Variants in PLEKHH1 observed in about 807,000 individuals in gnomAD.
PLEKHH1 encodes pleckstrin homology domain-containing family H member 1.
In PLEKHH1, 104 loss-of-function variants were observed where a neutral mutation model predicts 160.0. The ratio of observed to expected loss-of-function variants is 0.65; its 90% CI spans 0.55 to 0.76. PLEKHH1 has a LOEUF of 0.76. Among genes scored for constraint, PLEKHH1 ranks in the 30% least tolerant of loss-of-function variants. The pLI, the probability that PLEKHH1 is intolerant of heterozygous loss-of-function variation, is 0.00. For missense variants in PLEKHH1, 1,427 were observed against 1,724.1 expected, an observed-to-expected ratio of 0.83 and a Z score of 3.05; for synonymous variants, 619 against 678.4, an observed-to-expected ratio of 0.91 and a Z score of 1.36.
chr14:67,555,814 T>C lies in PLEKHH1; in HGVS notation c.127-11T>C. 1 of 1,613,046 alleles carries C rather than the reference T, an allele frequency of 6.2e-7. No individual in the cohort carries two copies. ...GGCACCTACATCTCCCCTTTCTCTC[T>C]GGCCAAGCAGATGCAGGAGCTGGAG... On this transcript the variant is annotated splice_polypyrimidine_tract_variant and intron_variant, in intron 2 of 28. Transcript: ENST00000329153.
In PLEKHH1 at chr14:67,576,574, A is replaced by C. The variant is rs935488347; in HGVS notation, c.2461+71A>C. 9 of 792,350 alleles carry C rather than the reference A, an allele frequency of 1.1e-5. No homozygotes were observed. Among genetic ancestry groups the C allele is most frequent in the Middle Eastern group, 2.3e-4 (1 of 4,310 alleles). The allele number at this position is 792,350 out of a possible 1,614,324, so 49.1% of individuals were successfully genotyped here. On this transcript the variant is annotated intron_variant, in intron 17 of 28. Transcript: ENST00000329153. The surrounding 1 kb of genome is among the most constrained non-coding windows in gnomAD (Gnocchi z 4.0). Reference sequence around the variant, plus strand: ...TTGGTGACTATTGGTCAAGATCCCAAAGAAAGCAGTGTTGTACCCTGAAGC... The same window carrying C: ...TTGGTGACTATTGGTCAAGATCCCACAGAAAGCAGTGTTGTACCCTGAAGC...
At chr14:67,546,867 GAT>G (rs570707756) in intron 2 of PLEKHH1, among the ~76,000 whole-genome samples, 1 of 151,894 alleles carries the variant, frequency 6.6e-6, no homozygotes, top group African/African-American at 2.4e-5. Flanking sequence ...TGTCTCAAAG[GAT>G]ATATATATAT....
In PLEKHH1 at chr14:67,574,512, C is replaced by A; in HGVS notation, c.2088+109C>A. The A allele has an allele frequency of 1.2e-6, 1 of 860,136 alleles. No homozygotes were observed. Among genetic ancestry groups the A allele is most frequent in the Non-Finnish European group, 1.7e-6 (1 of 603,592 alleles). 53.3% of individuals were successfully genotyped at this position (860,136 alleles called of 1,614,324 possible). A position where few individuals can be genotyped will look rare whatever the true frequency, so the allele number is the denominator to read the frequency against. On this transcript the variant is annotated intron_variant, in intron 14 of 28. Transcript: ENST00000329153. This position sits in a 1 kb window ranked among gnomAD's most constrained non-coding sequence, Gnocchi z 4.2. ...TCCCCCTTATACGGGGCTCCTTTCT[C>A]TGGGAGCCTCCTCACAGTGACTCGC...
At chr14:67,580,426 A>G (rs77432698) in intron 22 of PLEKHH1, 6,022 of 168,162 alleles carry the variant, frequency 0.036, 235 homozygotes, top group East Asian at 0.12. Context: ...AAGTGTTTGT[A>G]AGAATGTGCT....
chr14:67,585,989 GT>G lies in PLEKHH1; in HGVS notation c.3828del (p.Phe1276LeufsTer11). ...ITYPYSSVTT[F>X]GGCRDDFMLV... ...CTTACCCCTACTCTTCAGTGACAAC[GT>G]TTGGTGGCTGCAGGGATGACTTCAT... On this transcript the variant is annotated frameshift_variant, in exon 28 of 29. Coordinates refer to ENST00000329153, the MANE Select transcript of PLEKHH1 (RefSeq NM_020715.3). LOFTEE classifies it high-confidence loss of function. The G allele has an allele frequency of 6.2e-7, 1 of 1,613,894 alleles. No homozygotes were observed. The highest frequency in any genetic ancestry group is 8.5e-7 in the Non-Finnish European group (1 of 1,179,852).
At position 67,555,875 on chromosome 14, in the gene PLEKHH1, C is replaced by T. The variant is rs116093796; in HGVS notation, c.177C>T (p.Asn59=). 2.6e-3 allele frequency: 4,134 copies of T among 1,613,500 alleles called. 77 individuals carry two copies. The African/African-American group carries it at 0.046, about 18-fold the overall frequency. Residue 59 remains asparagine, a synonymous_variant, in exon 3 of 29, where the codon AAC becomes AAT. Transcript: ENST00000329153. ...RLLEAEQRAE[N]AETQVGVMEE... is the part of the protein sequence containing the mutation. The stretch of plus-strand genomic sequence containing the variant: ...TGGAGGCAGAGCAGAGAGCAGAGAA[C>T]GCTGAGACCCAGGTAACCAGGGGAG...
rs1002679384 is a variant in PLEKHH1 at position 67,573,522 on chromosome 14, T to C, written c.1839+136T>C. ...GTCTGGCAGGTGGGGAGAGGCAACCTCACTGGGCCCCTGAGGCTTTGAGCC... is the reference window on the plus strand; with the variant it reads ...GTCTGGCAGGTGGGGAGAGGCAACCCCACTGGGCCCCTGAGGCTTTGAGCC... On this transcript the variant is annotated intron_variant, in intron 12 of 28. Coordinates refer to ENST00000329153, the MANE Select transcript of PLEKHH1 (RefSeq NM_020715.3). This position sits in a 1 kb window ranked among gnomAD's most constrained non-coding sequence, Gnocchi z 4.8. 31 of 662,756 alleles carry C rather than the reference T, an allele frequency of 4.7e-5. No homozygotes were observed. The highest frequency in any genetic ancestry group is 7.2e-5 in the African/African-American group (4 of 55,322). The allele number at this position is 662,756 out of a possible 1,614,324, so 41.1% of individuals were successfully genotyped here.
chr14:67,586,615 C>CA (rs1019049604), intron 28 of PLEKHH1: 6 of 437,880 alleles, frequency 1.4e-5, no homozygotes, highest in Non-Finnish European at 2.4e-5. Context: ...TGTTGACCAG[C>CA]AAAAATAATA....
intron 7 of PLEKHH1, among the ~76,000 whole-genome samples, chr14:67,566,665 T>C (rs1030554800): frequency 1.3e-5 from 2 of 151,802 alleles, no homozygotes; most frequent in African/African-American, 4.8e-5. Flanking sequence ...GAAGTTAAGT[T>C]TGAGCCCAGG....
Position 67,574,395 on chromosome 14 carries a change from C to A in PLEKHH1, c.2080C>A (p.Leu694Met). Residue 694 changes from leucine (L) to methionine (M), a missense_variant, in exon 14 of 29, where the codon CTG becomes ATG. This residue lies in a region of PLEKHH1 where 831 missense variants were observed against 929.2 expected (regional missense o/e 0.89). Coordinates refer to ENST00000329153, the MANE Select transcript of PLEKHH1 (RefSeq NM_020715.3). The surrounding 1 kb of genome is among the most constrained non-coding windows in gnomAD (Gnocchi z 4.2). ...GGTKPTVKGW[L>M]TKVKHGHSKV... ...CACCAAGCCCACCGTGAAGGGCTGG[C>A]TGACCAAGGTAGAGGGTGGGGCTGA... 6.4e-7 allele frequency: 1 copy of A among 1,571,628 alleles called. No homozygotes were observed. Among genetic ancestry groups the A allele is most frequent in the East Asian group, 2.3e-5 (1 of 43,486 alleles).
chr14:67,583,595 A>T, intron 24 of PLEKHH1, 146 bp from the exon 25 acceptor site: 1 of 564,522 alleles, frequency 1.8e-6, no homozygotes, highest in Non-Finnish European at 3.0e-6. Flanking sequence ...ACTTGAGATG[A>T]AGCGTTTTTC....
rs754668275 is a variant in PLEKHH1 at position 67,583,792 on chromosome 14, T to A, written c.3478T>A (p.Ser1160Thr). 9 of 1,612,514 alleles carry A rather than the reference T, an allele frequency of 5.6e-6. No homozygotes were observed. The East Asian group carries it at 2.0e-4, about 36-fold the overall frequency. Reference protein sequence around the residue: ...KPALPGPGGTSPAKAQHLLQQ... With the variant: ...KPALPGPGGTTPAKAQHLLQQ... ...TGCCCTGCCAGGCCCTGGAGGCACA[T>A]CCCCTGCCAAGGCTCAGCATCTTCT... Residue 1160 changes from serine (S) to threonine (T), a missense_variant, in exon 25 of 29, where the codon TCC (serine) becomes ACC (threonine). Ser to Thr is a moderately conservative substitution (Grantham distance 58). This residue lies in a region of PLEKHH1 where 436 missense variants were observed against 607.5 expected (regional missense o/e 0.72). Transcript: ENST00000329153.
Position 67,572,038 on chromosome 14 carries a change from C to A in PLEKHH1, c.1586-97C>A. ...GCAGCTCCACCCCCAGCCCCAGAGA[C>A]CGGGTCCCGGGTGGGTGGTCAAGTC... On this transcript the variant is annotated intron_variant, in intron 10 of 28. Coordinates refer to ENST00000329153, the MANE Select transcript of PLEKHH1 (RefSeq NM_020715.3). 3.4e-6 allele frequency: 5 copies of A among 1,486,624 alleles called. No homozygotes were observed. The South Asian group carries it at 5.2e-5, about 15-fold the overall frequency. The allele number at this position is 1,486,624 out of a possible 1,614,324, so 92.1% of individuals were successfully genotyped here. A position where few individuals can be genotyped will look rare whatever the true frequency, so the allele number is the denominator to read the frequency against.
At chr14:67,541,758 C>T in intron 1 of PLEKHH1, 76 bp from the exon 2 acceptor site, 1 of 999,286 alleles carries the variant, frequency 1.0e-6, no homozygotes, top group South Asian at 1.8e-5. Flanking sequence ...CCTTTGGTCC[C>T]CTCCCGTTCT....
intron 2 of PLEKHH1, among the ~76,000 whole-genome samples, chr14:67,544,797 A>G (rs1386768827): frequency 2.6e-5 from 4 of 152,246 alleles, no homozygotes; most frequent in Non-Finnish European, 5.9e-5. Context: ...ATGGACAGGA[A>G]GACAGACCTA....
Position 67,575,995 on chromosome 14 carries a change from A to G in PLEKHH1, c.2342A>G (p.Lys781Arg). The G allele has an allele frequency of 1.2e-6, 2 of 1,611,348 alleles. No homozygotes were observed. Among genetic ancestry groups the G allele is most frequent in the African/African-American group, 1.3e-5 (1 of 74,996 alleles). The stretch of plus-strand genomic sequence containing the variant: ...CCCACCTACCTCCTCATTGGCACCA[A>G]GCATGAAAAGGTAAGGAAGAGGGCT... Reference protein sequence around the residue: ...HSPTYLLIGTKHEKDTWLYHL... With the variant: ...HSPTYLLIGTRHEKDTWLYHL... Residue 781 changes from lysine to arginine, a missense_variant, in exon 16 of 29, where the codon AAG becomes AGG. Lys to Arg is a conservative substitution (Grantham distance 26, BLOSUM62 2). Transcript: ENST00000329153.
rs537119209 is a variant in PLEKHH1 at position 67,582,732 on chromosome 14, C to T, written c.3426+522C>T. On this transcript the variant is annotated intron_variant, in intron 24 of 28. Coordinates refer to ENST00000329153, the MANE Select transcript of PLEKHH1 (RefSeq NM_020715.3). This position sits in a 1 kb window ranked among gnomAD's most constrained non-coding sequence, Gnocchi z 5.0. ...GGCGCCTGTAATCCCAGCTACTCGG[C>T]AGGCTGAGGCAGGAGAATCACTTGT... 1.3e-5 allele frequency among the ~76,000 whole-genome samples: 2 copies of T among 151,974 alleles called. No homozygotes were observed. The highest frequency in any genetic ancestry group is 1.3e-4 in the Admixed American group (2 of 15,250).
chr14:67,541,700 T>G, intron 1 of PLEKHH1, 134 bp from the exon 2 acceptor site: 2 of 570,018 alleles, frequency 3.5e-6, no homozygotes, highest in Non-Finnish European at 5.9e-6. Context: ...CAGTGACCAA[T>G]TCTCTTCCCC....
intron 3 of PLEKHH1, among the ~76,000 whole-genome samples, chr14:67,556,550 A>G (rs2034601295): frequency 6.6e-6 from 1 of 152,102 alleles, no homozygotes; most frequent in Non-Finnish European, 1.5e-5. Context: ...AAGTGCTGGG[A>G]TTACAGGTAT....
Sources: allele counts gnomAD v4.1 joint callset (sites outside exome capture counted in the v4.1 genomes callset), GRCh38; gene constraint gnomAD v4.1.1; regional missense constraint gnomAD v4.1.1; non-coding constraint Gnocchi (gnomAD v3.1); transcripts MANE v1.5; gene names NCBI Gene and HGNC (gene_info 2026-07-23, HGNC 2026-07-21).